Variants in SHANK2 observed in about 807,000 individuals in gnomAD.
SHANK2 encodes the protein SH3 and multiple ankyrin repeat domains 2, also known as SH3 and multiple ankyrin repeat domains protein 2.
SHANK2 carries 43 observed loss-of-function variants against 133.7 expected under a neutral mutation model. The ratio of observed to expected loss-of-function variants is 0.32; its 90% CI spans 0.25 to 0.41. SHANK2 has a LOEUF of 0.41. Ranked by LOEUF, SHANK2 falls within the 10% of genes least tolerant of loss-of-function variation. The probability of loss-of-function intolerance (pLI) is 1.00; values close to 1 mark genes in which losing one functional copy is unlikely to be tolerated. For missense variants in SHANK2, 1,994 were observed against 2,235.8 expected, an observed-to-expected ratio of 0.89 and a Z score of 2.18; for synonymous variants, 1,017 against 952.8, an observed-to-expected ratio of 1.07 and a Z score of -1.24.
chr11:70,516,540 C>T (rs1287040884), intron 17 of SHANK2, among the ~76,000 whole-genome samples: 1 of 152,146 alleles, frequency 6.6e-6, no homozygotes, highest in East Asian at 1.9e-4. Flanking sequence ...TCTAGATGAC[C>T]TTGAGTTTGG....
intron 8 of SHANK2, among the ~76,000 whole-genome samples, chr11:71,087,316 G>A (rs1262605578): frequency 1.3e-5 from 2 of 152,132 alleles, no homozygotes; most frequent in Non-Finnish European, 2.9e-5. Flanking sequence ...TGCCTGGTTG[G>A]GAGAGAGGGC....
At chr11:70,577,746 A>G (rs2060134563) in intron 17 of SHANK2, among the ~76,000 whole-genome samples, 1 of 151,142 alleles carries the variant, frequency 6.6e-6, no homozygotes, top group Admixed American at 6.6e-5. Flanking sequence ...TGATAAACGG[A>G]GGTAAACTGT....
chr11:71,085,617 T>C, intron 8 of SHANK2, among the ~76,000 whole-genome samples: 1 of 72,900 alleles, frequency 1.4e-5, no homozygotes, highest in Admixed American at 2.6e-4. Context: ...ATATATATTA[T>C]ATTATATATT....
At chr11:70,667,248 C>T (rs537831166) in intron 15 of SHANK2, among the ~76,000 whole-genome samples, 1 of 152,232 alleles carries the variant, frequency 6.6e-6, no homozygotes, top group East Asian at 1.9e-4. Flanking sequence ...ATTGGCTTCC[C>T]GGAGACACAA....
At chr11:70,768,444 G>A (rs1020914100) in intron 14 of SHANK2, among the ~76,000 whole-genome samples, 1 of 152,128 alleles carries the variant, frequency 6.6e-6, no homozygotes, top group Non-Finnish European at 1.5e-5. Flanking sequence ...AATGTGACCC[G>A]GAGGCAGTTC....
At chr11:71,170,818 T>C (rs186494153) in intron 2 of SHANK2, among the ~76,000 whole-genome samples, 208 of 152,328 alleles carry the variant, frequency 1.4e-3, no homozygotes, top group African/African-American at 4.8e-3. Flanking sequence ...GGGTCAGACC[T>C]TCATGCATAT....
intron 17 of SHANK2, among the ~76,000 whole-genome samples, chr11:70,625,810 G>GAAAAAAAAAAAA (rs34147403): frequency 2.4e-5 from 1 of 41,382 alleles, no homozygotes; most frequent in African/African-American, 1.1e-4. Flanking sequence ...GTGCAAAAAT[G>GAAAAAAAAAAAA]AAAAAAAAAA....
intron 13 of SHANK2, among the ~76,000 whole-genome samples, chr11:70,798,949 A>T (rs1947982923): frequency 6.6e-6 from 1 of 152,086 alleles, no homozygotes; most frequent in South Asian, 2.1e-4. Flanking sequence ...ATAAAAGTGG[A>T]GTCGGGGGGC....
At chr11:70,546,349 T>C (rs10899151) in intron 17 of SHANK2, among the ~76,000 whole-genome samples, 146,742 of 152,136 alleles carry the variant, frequency 0.96, 70,957 homozygotes, top group East Asian at 1. Flanking sequence ...TAGAATCATG[T>C]GGTTGGTTTT....
intron 1 of SHANK2, among the ~76,000 whole-genome samples, chr11:71,241,467 T>G (rs1229636468): frequency 6.6e-6 from 1 of 152,104 alleles, no homozygotes; most frequent in African/African-American, 2.4e-5. Context: ...CGCCAGCAAC[T>G]GCATATGAGA....
intron 14 of SHANK2, among the ~76,000 whole-genome samples, chr11:70,760,466 G>A (rs1946971136): frequency 1.3e-5 from 2 of 152,188 alleles, no homozygotes; most frequent in South Asian, 2.1e-4. Context: ...CATTGGATTT[G>A]GAGGCCATCG....
chr11:71,104,137 A>G (rs1951767184), intron 6 of SHANK2, among the ~76,000 whole-genome samples: 1 of 152,152 alleles, frequency 6.6e-6, no homozygotes, highest in South Asian at 2.1e-4. Context: ...ATGGCCTAAT[A>G]GCACCACAAC....
intron 17 of SHANK2, among the ~76,000 whole-genome samples, chr11:70,506,208 G>A (rs1249177167): frequency 2.0e-5 from 3 of 152,208 alleles, no homozygotes; most frequent in African/African-American, 7.2e-5. Flanking sequence ...CTGGGTGCAC[G>A]TTCTGGTGGC....
intron 2 of SHANK2, among the ~76,000 whole-genome samples, chr11:71,167,871 C>T (rs1333123118): frequency 3.5e-5 from 5 of 144,268 alleles, no homozygotes; most frequent in Non-Finnish European, 7.6e-5. Context: ...TAGGGGCGGC[C>T]GGGCAGAGGC....
At chr11:70,575,220 T>C (rs924788196) in intron 17 of SHANK2, among the ~76,000 whole-genome samples, 4 of 152,042 alleles carry the variant, frequency 2.6e-5, no homozygotes, top group African/African-American at 9.7e-5. Flanking sequence ...ACTGTCAAAG[T>C]ACAAAGGCCA....
intron 10 of SHANK2, chr11:70,948,459 A>G (rs1950786987): frequency 6.8e-6 from 3 of 443,310 alleles, no homozygotes; most frequent in Non-Finnish European, 1.4e-5. Flanking sequence ...ACCGAACATC[A>G]GCCACACTTT....
chr11:70,925,728 G>A (rs7113981), intron 10 of SHANK2, among the ~76,000 whole-genome samples: 49,226 of 152,038 alleles, frequency 0.32, 10,501 homozygotes, highest in African/African-American at 0.61. Flanking sequence ...TTGCCTTGCC[G>A]TGTGCAGACA....
At chr11:70,678,931 C>T (rs560232301) in intron 15 of SHANK2, among the ~76,000 whole-genome samples, 1 of 152,310 alleles carries the variant, frequency 6.6e-6, no homozygotes, top group South Asian at 2.1e-4. Context: ...CCTTGACATA[C>T]ATCCTCCAGA....
intron 17 of SHANK2, among the ~76,000 whole-genome samples, chr11:70,505,794 G>A (rs2059128116): frequency 6.6e-6 from 1 of 152,088 alleles, no homozygotes. Context: ...GACTTTAACA[G>A]CCTGGCCACT....
Sources: allele counts gnomAD v4.1 joint callset (sites outside exome capture counted in the v4.1 genomes callset), GRCh38; gene constraint gnomAD v4.1.1; transcripts MANE v1.5; gene names NCBI Gene and HGNC (gene_info 2026-07-23, HGNC 2026-07-21).